The following XKR4 variants were observed in gnomAD, a reference collection of about 807,000 sequenced individuals.
XKR4 encodes the protein XK-related protein 4.
A neutral mutation model predicts 53.9 loss-of-function variants in XKR4; 12 were observed. The ratio of observed to expected loss-of-function variants is 0.22; its 90% CI spans 0.14 to 0.36. The LOEUF (loss-of-function observed/expected upper bound fraction) is 0.36, where lower values mean the gene tolerates loss of function less well. XKR4 is among the 10% of genes least tolerant of loss of function. The probability of loss-of-function intolerance (pLI) is 1.00; values close to 1 mark genes in which losing one functional copy is unlikely to be tolerated. For synonymous variants in XKR4, 354 were observed against 362.4 expected (o/e 0.98, Z 0.26); for missense variants, 799 against 859.5 (o/e 0.93, Z 0.88).
chr8:55,230,599 C>T (rs1276677909), intron 1 of XKR4, among the ~76,000 whole-genome samples: 1 of 152,128 alleles, frequency 6.6e-6, no homozygotes, highest in Non-Finnish European at 1.5e-5. Flanking sequence ...AACTCCTGTC[C>T]TCAAGTGATC....
At chr8:55,296,590 C>T (rs1431006295) in intron 1 of XKR4, among the ~76,000 whole-genome samples, 2 of 152,098 alleles carry the variant, frequency 1.3e-5, no homozygotes. Context: ...GCTTTGCAAT[C>T]CAATTCCAGT....
Position 55,488,302 on chromosome 8 carries a change from C to T in XKR4, c.1007-34979C>T, listed in dbSNP as rs1306354579. Reference sequence around the variant, plus strand: ...AGCCACTTTGGAAAAACTAAACATGCTCTTATCATATGATCCAGGAATCAC... The same window carrying T: ...AGCCACTTTGGAAAAACTAAACATGTTCTTATCATATGATCCAGGAATCAC... On this transcript the variant is annotated intron_variant, in intron 2 of 2. Transcript: ENST00000327381. 2.0e-5 allele frequency among the ~76,000 whole-genome samples: 3 copies of T among 152,202 alleles called. No individual in the cohort carries two copies. In the East Asian group the frequency reaches 5.8e-4, roughly 29 times the overall value.
At chr8:55,378,123 TA>T (rs1400034234) in intron 2 of XKR4, among the ~76,000 whole-genome samples, 10 of 152,242 alleles carry the variant, frequency 6.6e-5, no homozygotes, top group Non-Finnish European at 1.2e-4. Flanking sequence ...GTCTTGTTGT[TA>T]TTTTCTGGTT....
chr8:55,384,173 C>T (rs1804275531), intron 2 of XKR4, among the ~76,000 whole-genome samples: 1 of 152,164 alleles, frequency 6.6e-6, no homozygotes, highest in African/African-American at 2.4e-5. Context: ...ACAATCTGTC[C>T]TGTGTGCCTA....
intron 2 of XKR4, among the ~76,000 whole-genome samples, chr8:55,410,097 A>G (rs1415318846): frequency 1.3e-5 from 2 of 152,064 alleles, no homozygotes; most frequent in African/African-American, 4.8e-5. Flanking sequence ...TTTAAAAAAA[A>G]AAAAAGCCTT....
intron 1 of XKR4, among the ~76,000 whole-genome samples, chr8:55,236,852 G>A (rs1162215577): frequency 6.6e-6 from 1 of 152,160 alleles, no homozygotes; most frequent in Non-Finnish European, 1.5e-5. Context: ...GGGAAACCAA[G>A]CCACTTTGAC....
chr8:55,249,512 C>T (rs1818336543), intron 1 of XKR4, among the ~76,000 whole-genome samples: 2 of 152,180 alleles, frequency 1.3e-5, no homozygotes, highest in Admixed American at 1.3e-4. Flanking sequence ...AGGAGTTCAT[C>T]CCTGGGCCAA....
At chr8:55,168,831 T>TGGTA (rs942629088) in intron 1 of XKR4, among the ~76,000 whole-genome samples, 48 of 152,152 alleles carry the variant, frequency 3.2e-4, no homozygotes, top group African/African-American at 1.2e-3. Flanking sequence ...AATGCAGGTA[T>TGGTA]GGTAATTCAC....
chr8:55,432,208 C>T (rs536508236), intron 2 of XKR4, among the ~76,000 whole-genome samples: 45 of 152,262 alleles, frequency 3.0e-4, no homozygotes, highest in African/African-American at 9.9e-4. Context: ...GTGTAGTGAA[C>T]TCAGAAGCCA....
At chr8:55,498,782 CAG>C (rs1211220109) in intron 2 of XKR4, among the ~76,000 whole-genome samples, 3 of 151,876 alleles carry the variant, frequency 2.0e-5, no homozygotes, top group Non-Finnish European at 4.4e-5. Context: ...GAGACAGAGA[CAG>C]AGAGAGACAG....
intron 2 of XKR4, among the ~76,000 whole-genome samples, chr8:55,491,650 G>A (rs1806273877): frequency 6.6e-6 from 1 of 151,624 alleles, no homozygotes. Context: ...TTGTTTGTTT[G>A]TTTGTTTTTT....
At chr8:55,209,830 T>C (rs1326669058) in intron 1 of XKR4, among the ~76,000 whole-genome samples, 1 of 152,176 alleles carries the variant, frequency 6.6e-6, no homozygotes, top group Non-Finnish European at 1.5e-5. Context: ...GCCTTCTAAG[T>C]AAGATTTAAA....
chr8:55,496,836 C>T (rs907201290), intron 2 of XKR4, among the ~76,000 whole-genome samples: 1 of 152,134 alleles, frequency 6.6e-6, no homozygotes, highest in South Asian at 2.1e-4. Context: ...AAATTATAAT[C>T]CCATCATTAG....
At chr8:55,188,851 G>A (rs1326255848) in intron 1 of XKR4, among the ~76,000 whole-genome samples, 1 of 152,154 alleles carries the variant, frequency 6.6e-6, no homozygotes, top group Non-Finnish European at 1.5e-5. Flanking sequence ...TTGTTGGGAG[G>A]ATAAGCAAGA....
chr8:55,338,514 C>T (rs1803497870), intron 1 of XKR4, among the ~76,000 whole-genome samples: 2 of 152,220 alleles, frequency 1.3e-5, no homozygotes, highest in South Asian at 4.1e-4. Flanking sequence ...AATAACTCCT[C>T]CCATCCTTCC....
At chr8:55,308,917 T>C (rs4574825) in intron 1 of XKR4, among the ~76,000 whole-genome samples, 37,066 of 152,112 alleles carry the variant, frequency 0.24, 4,953 homozygotes, top group East Asian at 0.53. Flanking sequence ...CTCCTGGATT[T>C]TCTGAGTGGT....
chr8:55,300,435 G>T (rs72645634), intron 1 of XKR4, among the ~76,000 whole-genome samples: 19,071 of 152,172 alleles, frequency 0.13, 1,495 homozygotes, highest in Non-Finnish European at 0.18. Context: ...TCAGGGACAG[G>T]TGACAGACAG....
At chr8:55,168,000 A>G (rs923156985) in intron 1 of XKR4, among the ~76,000 whole-genome samples, 1 of 152,248 alleles carries the variant, frequency 6.6e-6, no homozygotes, top group Non-Finnish European at 1.5e-5. Context: ...TGGTCATTTC[A>G]TTATGAGAAA....
At chr8:55,315,986 G>C (rs1005829800) in intron 1 of XKR4, among the ~76,000 whole-genome samples, 5 of 152,164 alleles carry the variant, frequency 3.3e-5, no homozygotes, top group African/African-American at 1.2e-4. Flanking sequence ...CTGCTACTCT[G>C]GGACTTAGAT....
Sources: allele counts gnomAD v4.1 joint callset (sites outside exome capture counted in the v4.1 genomes callset), GRCh38; gene constraint gnomAD v4.1.1; transcripts MANE v1.5; gene names NCBI Gene and HGNC (gene_info 2026-07-23, HGNC 2026-07-21).